Variants in CTDNEP1 observed in about 807,000 individuals in gnomAD.
The protein encoded by CTDNEP1 is CTD nuclear envelope phosphatase 1, also known as C-terminal domain nuclear envelope phosphatase 1.
CTDNEP1 carries 3 observed loss-of-function variants against 30.1 expected under a neutral mutation model. That is an observed-to-expected ratio of 0.10 (90% confidence interval 0.05 to 0.26). CTDNEP1 has a LOEUF of 0.26. Ranked by LOEUF, CTDNEP1 falls within the 10% of genes least tolerant of loss-of-function variation. The pLI, the probability that CTDNEP1 is intolerant of heterozygous loss-of-function variation, is 1.00. For missense variants in CTDNEP1, 158 were observed against 310.4 expected (o/e 0.51, Z 3.69); for synonymous variants, 123 against 118.8 (o/e 1.04, Z -0.23).
intron 1 of CTDNEP1, 70 bp downstream of exon 1, chr17:7,251,124 TG>T: frequency 8.9e-7 from 1 of 1,119,692 alleles, no homozygotes; most frequent in Non-Finnish European, 1.3e-6. Flanking sequence ...CGAAAACCCC[TG>T]AGCACCACGG....
rs759849751 is a variant in CTDNEP1, at chr17:7,244,256, A to G, written c.675-11T>C. The G allele has an allele frequency of 5.6e-5, 91 of 1,613,880 alleles. No homozygotes were observed. Among genetic ancestry groups the G allele is most frequent in the Non-Finnish European group, 2.1e-5 (25 of 1,179,956 alleles). On this transcript the variant is annotated splice_polypyrimidine_tract_variant and intron_variant, in intron 7 of 7. Transcript: ENST00000574322. ...ACATCAGCGGTGAACCTGGGGTGAC[A>G]ATAACTTGCATTGGTAGAGTACCTT... is the stretch of plus-strand genomic sequence containing the variant.
rs2071924948 is a variant in CTDNEP1, at chr17:7,251,486, G to C, written c.-190C>G. The C allele has an allele frequency of 2.4e-6, 1 of 414,782 alleles. No individual in the cohort carries two copies. 25.7% of individuals were successfully genotyped at this position (414,782 alleles called of 1,614,324 possible). On this transcript the variant is annotated 5_prime_UTR_variant, in exon 1 of 8. Transcript: ENST00000574322. ...AGGGTAAAGCCCAGCGGAACGGGGA[G>C]CTGGGGGACAGGCGTGGGCAGCCCG...
chr17:7,251,416 C>A lies in CTDNEP1; in HGVS notation c.-120G>T. The A allele has an allele frequency of 1.8e-6, 1 of 563,748 alleles. No individual in the cohort carries two copies. Among genetic ancestry groups the A allele is most frequent in the Non-Finnish European group, 2.8e-6 (1 of 353,948 alleles). 34.9% of individuals were successfully genotyped at this position (563,748 alleles called of 1,614,324 possible). A position where few individuals can be genotyped will look rare whatever the true frequency, so the allele number is the denominator to read the frequency against. The stretch of plus-strand genomic sequence containing the variant: ...GGGCCCCGAGTGGCAGGAGAGGCTG[C>A]AGAGAGGGGCACGGAGCGGGCGGCT... On this transcript the variant is annotated 5_prime_UTR_variant, in exon 1 of 8. Coordinates refer to ENST00000574322, the MANE Select transcript of CTDNEP1 (RefSeq NM_001143775.2).
chr17:7,247,197 G>C lies in CTDNEP1; in HGVS notation c.170-15C>G, dbSNP rs1279257736. Reference sequence around the variant, plus strand: ...CTTCACCTGGGCTGAACCAGAGTGGGGAGGAATAATATTGACCGACCTCTG... The same window carrying C: ...CTTCACCTGGGCTGAACCAGAGTGGCGAGGAATAATATTGACCGACCTCTG... On this transcript the variant is annotated splice_polypyrimidine_tract_variant and intron_variant, in intron 2 of 7. Transcript: ENST00000574322. 1 of 1,611,016 alleles carries C rather than the reference G, an allele frequency of 6.2e-7. No individual in the cohort carries two copies. The highest frequency in any genetic ancestry group is 8.5e-7 in the Non-Finnish European group (1 of 1,177,370).
At chr17:7,249,758 A>G (rs1567588298) in intron 1 of CTDNEP1, among the ~76,000 whole-genome samples, 1 of 152,150 alleles carries the variant, frequency 6.6e-6, no homozygotes. Flanking sequence ...TAAAATTACA[A>G]AAATTAGCCA....
chr17:7,251,356 C>T lies in CTDNEP1; in HGVS notation c.-60G>A, dbSNP rs189274867. 2.4e-4 allele frequency: 282 copies of T among 1,195,036 alleles called. No homozygotes were observed. In the African/African-American group the frequency reaches 3.6e-3, roughly 15 times the overall value. The allele number at this position is 1,195,036 out of a possible 1,614,324, so 74.0% of individuals were successfully genotyped here. On this transcript the variant is annotated 5_prime_UTR_variant, in exon 1 of 8. Transcript: ENST00000574322. ...CCGCGGCCCAGCTCCGCCAGCCCCC[C>T]GGGGGCAGCCCCCCGCCGCCGGGAG... is the stretch of plus-strand genomic sequence containing the variant.
At chr17:7,248,464 A>G (rs1349372075) in intron 1 of CTDNEP1, among the ~76,000 whole-genome samples, 1 of 149,446 alleles carries the variant, frequency 6.7e-6, no homozygotes, top group Non-Finnish European at 1.5e-5. Flanking sequence ...GGTTCAAGCA[A>G]TTCTCCTGCC....
Position 7,244,048 on chromosome 17 carries a change from G to A in CTDNEP1, c.*137C>T. The A allele has an allele frequency of 4.1e-6, 6 of 1,466,896 alleles. No individual in the cohort carries two copies. The South Asian group carries it at 5.3e-5, about 13-fold the overall frequency. 90.9% of individuals were successfully genotyped at this position (1,466,896 alleles called of 1,614,324 possible). The stretch of plus-strand genomic sequence containing the variant: ...ATCCAGACTCCAAGTGGAGTGTAGG[G>A]CTCCCAGGGCAGAGAGGGGTGGGAG... On this transcript the variant is annotated 3_prime_UTR_variant, in exon 8 of 8. Transcript: ENST00000574322.
intron 6 of CTDNEP1, among the ~76,000 whole-genome samples, chr17:7,245,198 A>G (rs2071819982): frequency 6.6e-6 from 1 of 152,170 alleles, no homozygotes; most frequent in African/African-American, 2.4e-5. Flanking sequence ...AGGCTGAGGC[A>G]GGAGAATTGC....
In CTDNEP1 at chr17:7,246,912, G is replaced by A. The variant is rs1400345350; in HGVS notation, c.289-50C>T. 1 of 1,560,686 alleles carries A rather than the reference G, an allele frequency of 6.4e-7. No individual in the cohort carries two copies. The highest frequency in any genetic ancestry group is 8.8e-7 in the Non-Finnish European group (1 of 1,132,482). On this transcript the variant is annotated intron_variant, in intron 3 of 7. Coordinates refer to ENST00000574322, the MANE Select transcript of CTDNEP1 (RefSeq NM_001143775.2). The surrounding 1 kb of genome is among the most constrained non-coding windows in gnomAD (Gnocchi z 4.9). ...GGGATGTCATGACCACCACAACCCA[G>A]GCCTAGAAAACGCCCCACCCATCTG...
chr17:7,246,543 G>A lies in CTDNEP1; in HGVS notation c.361-173C>T. 1 of 642,898 alleles carries A rather than the reference G, an allele frequency of 1.6e-6. No individual in the cohort carries two copies. Among genetic ancestry groups the A allele is most frequent in the Non-Finnish European group, 2.7e-6 (1 of 364,696 alleles). 39.8% of individuals were successfully genotyped at this position (642,898 alleles called of 1,614,324 possible). A position where few individuals can be genotyped will look rare whatever the true frequency, so the allele number is the denominator to read the frequency against. On this transcript the variant is annotated intron_variant, in intron 4 of 7. Transcript: ENST00000574322. The surrounding 1 kb of genome is among the most constrained non-coding windows in gnomAD (Gnocchi z 4.9). ...GCCCAAACCTCCAAACTCAGTGTTA[G>A]GCATCCTACACTCTTATGATTCAGA...
chr17:7,244,669 A>C, intron 6 of CTDNEP1, 34 bp from the exon 7 acceptor site: 1 of 1,444,134 alleles, frequency 6.9e-7, no homozygotes, highest in Non-Finnish European at 9.4e-7. Flanking sequence ...GAGAAGAAAC[A>C]GAATTCAAGA....
In CTDNEP1 at chr17:7,244,249, G is replaced by T. The variant is rs1399256744; in HGVS notation, c.675-4C>A. On this transcript the variant is annotated splice_polypyrimidine_tract_variant and splice_region_variant and intron_variant, in intron 7 of 7. Coordinates refer to ENST00000574322, the MANE Select transcript of CTDNEP1 (RefSeq NM_001143775.2). ...GGAACGAACATCAGCGGTGAACCTG[G>T]GGTGACAATAACTTGCATTGGTAGA... 1.2e-6 allele frequency: 2 copies of T among 1,613,992 alleles called. No homozygotes were observed. The highest frequency in any genetic ancestry group is 1.7e-6 in the Non-Finnish European group (2 of 1,180,000).
At position 7,243,792 on chromosome 17, in the gene CTDNEP1, C is replaced by G. The variant is rs2071805298; in HGVS notation, c.*393G>C. On this transcript the variant is annotated 3_prime_UTR_variant, in exon 8 of 8. Transcript: ENST00000574322. ...TTGGAGCAGGAGTGAAGAATTAGAT[C>G]AGTTTTGTACAAGAGTTTTTTAAAA... 1 of 295,772 alleles carries G rather than the reference C, an allele frequency of 3.4e-6. No homozygotes were observed. The highest frequency in any genetic ancestry group is 2.3e-5 in the African/African-American group (1 of 44,418). The allele number at this position is 295,772 out of a possible 1,614,324, so 18.3% of individuals were successfully genotyped here.
At chr17:7,247,429 AC>A (rs2071855001) in intron 1 of CTDNEP1, 86 bp from the exon 2 acceptor site, 9 of 999,602 alleles carry the variant, frequency 9.0e-6, no homozygotes, top group Non-Finnish European at 1.4e-5. Flanking sequence ...ATGAACATTT[AC>A]CACAGGTACT....
At position 7,243,957 on chromosome 17, in the gene CTDNEP1, G is replaced by T; in HGVS notation, c.*228C>A. 7.3e-7 allele frequency: 1 copy of T among 1,374,570 alleles called. No individual in the cohort carries two copies. The highest frequency in any genetic ancestry group is 9.4e-7 in the Non-Finnish European group (1 of 1,062,014). 85.1% of individuals were successfully genotyped at this position (1,374,570 alleles called of 1,614,324 possible). On this transcript the variant is annotated 3_prime_UTR_variant, in exon 8 of 8. Transcript: ENST00000574322. ...GCTTCCGCCTGTGTCCCAGTCTGGG[G>T]TTTCCATGGAGTGTGAACACGAAGT... is the stretch of plus-strand genomic sequence containing the variant.
rs1052993392 is a variant in CTDNEP1 at position 7,245,934 on chromosome 17, C to T, written c.589+92G>A. On this transcript the variant is annotated intron_variant, in intron 6 of 7. Transcript: ENST00000574322. ...AAACTAGGGATAATCTAGGGAATCC[C>T]AGCTCTCAAGGACCAAAGCCCAGGT... is the stretch of plus-strand genomic sequence containing the variant. 3.5e-5 allele frequency: 27 copies of T among 782,292 alleles called. No individual in the cohort carries two copies. In the South Asian group the frequency reaches 3.8e-4, roughly 11 times the overall value. The allele number at this position is 782,292 out of a possible 1,614,324, so 48.5% of individuals were successfully genotyped here.
In CTDNEP1 at chr17:7,243,925, C is replaced by G. The variant is rs1330157105; in HGVS notation, c.*260G>C. 1 of 1,337,528 alleles carries G rather than the reference C, an allele frequency of 7.5e-7. No homozygotes were observed. The highest frequency in any genetic ancestry group is 3.2e-5 in the Admixed American group (1 of 31,116). The allele number at this position is 1,337,528 out of a possible 1,614,324, so 82.9% of individuals were successfully genotyped here. The stretch of plus-strand genomic sequence containing the variant: ...CCTCTTCACAAACACTGATTCGGCT[C>G]TCCTAGGCTTCCGCCTGTGTCCCAG... On this transcript the variant is annotated 3_prime_UTR_variant, in exon 8 of 8. Coordinates refer to ENST00000574322, the MANE Select transcript of CTDNEP1 (RefSeq NM_001143775.2).
chr17:7,247,924 G>A (rs1238806738), intron 1 of CTDNEP1, among the ~76,000 whole-genome samples: 1 of 152,038 alleles, frequency 6.6e-6, no homozygotes, highest in Non-Finnish European at 1.5e-5. Context: ...GATCATGGCT[G>A]TATTCCCAGT....
Sources: allele counts gnomAD v4.1 joint callset (sites outside exome capture counted in the v4.1 genomes callset), GRCh38; gene constraint gnomAD v4.1.1; non-coding constraint Gnocchi (gnomAD v3.1); transcripts MANE v1.5; gene names NCBI Gene and HGNC (gene_info 2026-07-23, HGNC 2026-07-21).